UST: variants seen among roughly 807,000 people sequenced by gnomAD.
UST encodes the protein chondroitin sulfate 2-O-sulfotransferase.
Under a neutral mutation model 45.6 loss-of-function variants are expected in UST, and 21 were observed. The ratio of observed to expected loss-of-function variants is 0.46; its 90% CI spans 0.33 to 0.66. The LOEUF is 0.66. Ranked by LOEUF, UST falls within the 30% of genes least tolerant of loss-of-function variation. The pLI, the probability that UST is intolerant of heterozygous loss-of-function variation, is 0.02. For missense variants in UST, 463 were observed against 512.4 expected, an observed-to-expected ratio of 0.90 and a Z score of 0.93; for synonymous variants, 215 against 200.6, an observed-to-expected ratio of 1.07 and a Z score of -0.61.
chr6:148,896,046 A>G (rs1779123382), intron 2 of UST, among the ~76,000 whole-genome samples: 1 of 152,238 alleles, frequency 6.6e-6, no homozygotes, highest in Admixed American at 6.5e-5. Flanking sequence ...TATTATAATG[A>G]TAGTAGGTAA....
chr6:148,747,834 G>T (rs1298458212), intron 1 of UST, among the ~76,000 whole-genome samples, 157 bp downstream of exon 1: 1 of 152,096 alleles, frequency 6.6e-6, no homozygotes, highest in Non-Finnish European at 1.5e-5. Context: ...GCCGCGGTCG[G>T]GAGCGCCTTC....
At chr6:148,986,347 A>T (rs1159607950) in intron 5 of UST, among the ~76,000 whole-genome samples, 3 of 152,244 alleles carry the variant, frequency 2.0e-5, no homozygotes, top group Non-Finnish European at 4.4e-5. Flanking sequence ...GATGCCAAGG[A>T]TTACAGAGGT....
In UST at chr6:148,805,506, T is replaced by A. The variant is rs548508042; in HGVS notation, c.247+57829T>A. 2.0e-5 allele frequency among the ~76,000 whole-genome samples: 3 copies of A among 152,316 alleles called. No homozygotes were observed. In the East Asian group the frequency reaches 5.8e-4, roughly 29 times the overall value. ...CATGACATAAAAAGGGGAGAAAAAT[T>A]CTGTCTTTAAAACTCAGTATCGTAA... is the stretch of plus-strand genomic sequence containing the variant. On this transcript the variant is annotated intron_variant, in intron 1 of 7. Transcript: ENST00000367463.
chr6:148,986,242 T>C (rs1781235510), intron 5 of UST, among the ~76,000 whole-genome samples: 1 of 152,230 alleles, frequency 6.6e-6, no homozygotes, highest in East Asian at 1.9e-4. Context: ...CTTCCAGCAA[T>C]GGGAGAGATT....
At chr6:149,021,995 T>C (rs1049385004) in intron 7 of UST, among the ~76,000 whole-genome samples, 1 of 152,310 alleles carries the variant, frequency 6.6e-6, no homozygotes, top group African/African-American at 2.4e-5. Flanking sequence ...GAGCAGCAAA[T>C]TGAAAATACA....
chr6:148,814,541 C>T (rs1777321258), intron 1 of UST, among the ~76,000 whole-genome samples: 1 of 151,990 alleles, frequency 6.6e-6, no homozygotes, highest in Admixed American at 6.6e-5. Context: ...TTTATGACAC[C>T]CGATGCCTGA....
chr6:148,895,984 G>T (rs1779122076), intron 2 of UST, among the ~76,000 whole-genome samples: 1 of 152,170 alleles, frequency 6.6e-6, no homozygotes, highest in Admixed American at 6.5e-5. Context: ...CTATAGTAAA[G>T]AAACCATGAT....
chr6:148,886,961 A>T, intron 1 of UST, 25 bp from the exon 2 acceptor site: 2 of 1,603,842 alleles, frequency 1.2e-6, no homozygotes, highest in Middle Eastern at 1.7e-4. Flanking sequence ...AAACGGATTC[A>T]TCAACTTTTT....
chr6:149,057,434 T>C (rs1306707808), intron 7 of UST, among the ~76,000 whole-genome samples: 1 of 152,220 alleles, frequency 6.6e-6, no homozygotes, highest in African/African-American at 2.4e-5. Context: ...AGTTTCAGGA[T>C]CTCTGACAAT....
chr6:149,021,288 A>G (rs1245859287), intron 6 of UST, 36 bp from the exon 7 acceptor site: 7 of 1,552,664 alleles, frequency 4.5e-6, no homozygotes, highest in African/African-American at 1.4e-5. Context: ...TCAAATATGA[A>G]TGTCTGATTT....
At chr6:148,764,241 A>AT (rs1211952258) in intron 1 of UST, among the ~76,000 whole-genome samples, 2 of 151,792 alleles carry the variant, frequency 1.3e-5, no homozygotes, top group Non-Finnish European at 2.9e-5. Flanking sequence ...GAGTTTTATT[A>AT]TTTTTTGTGG....
intron 7 of UST, among the ~76,000 whole-genome samples, chr6:149,048,771 C>T (rs571876444): frequency 6.6e-6 from 1 of 152,230 alleles, no homozygotes; most frequent in Non-Finnish European, 1.5e-5. Flanking sequence ...ATAAGCCCAA[C>T]CACATTCATA....
At position 149,000,434 on chromosome 6, in the gene UST, C is replaced by T. The variant is rs115545209; in HGVS notation, c.682-18705C>T. Reference sequence around the variant, plus strand: ...AAGCCACAAAACCACTAGAATAAGACAGAGGGTGAGAAGGAGGAAGAAAGA... The same window carrying T: ...AAGCCACAAAACCACTAGAATAAGATAGAGGGTGAGAAGGAGGAAGAAAGA... On this transcript the variant is annotated intron_variant, in intron 5 of 7. Coordinates refer to ENST00000367463, the MANE Select transcript of UST (RefSeq NM_005715.3). Among the ~76,000 whole-genome samples, 349 of 152,132 alleles carry T rather than the reference C, an allele frequency of 2.3e-3. 3 individuals carry two copies. Among genetic ancestry groups the T allele is most frequent in the African/African-American group, 7.9e-3 (329 of 41,480 alleles).
intron 5 of UST, 163 bp downstream of exon 5, chr6:148,964,726 A>T (rs1351479752): frequency 2.4e-6 from 2 of 841,662 alleles, no homozygotes; most frequent in African/African-American, 3.4e-5. Flanking sequence ...GGCGAGAGAA[A>T]CTGGTTCCGG....
chr6:148,871,978 TC>T (rs1434359265), intron 1 of UST, among the ~76,000 whole-genome samples: 1 of 152,226 alleles, frequency 6.6e-6, no homozygotes, highest in African/African-American at 2.4e-5. Flanking sequence ...TTTGATTATT[TC>T]CTCTGTAAGT....
At chr6:148,852,467 T>TA (rs1399985581) in intron 1 of UST, among the ~76,000 whole-genome samples, 4 of 152,336 alleles carry the variant, frequency 2.6e-5, no homozygotes, top group Admixed American at 2.6e-4. Flanking sequence ...TTCTCAGACT[T>TA]ACTGATTTTC....
At chr6:148,859,639 A>C (rs1354823549) in intron 1 of UST, among the ~76,000 whole-genome samples, 2 of 152,352 alleles carry the variant, frequency 1.3e-5, no homozygotes, top group Admixed American at 6.5e-5. Flanking sequence ...CTAACATTTA[A>C]GTCTTTAATC....
At chr6:148,853,006 T>A (rs1562277449) in intron 1 of UST, among the ~76,000 whole-genome samples, 1 of 152,216 alleles carries the variant, frequency 6.6e-6, no homozygotes, top group Non-Finnish European at 1.5e-5. Context: ...ACATACAGGT[T>A]TGTTACATAG....
intron 1 of UST, among the ~76,000 whole-genome samples, chr6:148,870,322 G>T (rs1045518529): frequency 1.3e-5 from 2 of 152,154 alleles, no homozygotes; most frequent in East Asian, 3.9e-4. Context: ...GATGGGAGGG[G>T]CTGCTGAGAT....
Sources: gnomAD v4.1 joint callset for allele counts (sites outside exome capture counted in the v4.1 genomes callset) on GRCh38, gnomAD v4.1.1 for gene constraint, MANE v1.5 for transcripts, NCBI Gene and HGNC (gene_info 2026-07-23, HGNC 2026-07-21) for gene names.